Variants in KLHL21 observed in about 807,000 individuals in gnomAD.
The protein encoded by KLHL21 is kelch like family member 21.
In KLHL21, 42 loss-of-function variants were observed where a neutral mutation model predicts 44.1. The ratio of observed to expected loss-of-function variants is 0.95; its 90% CI spans 0.74 to 1.23. KLHL21 has a LOEUF of 1.23. Ranked by LOEUF, KLHL21 falls within the 50% of genes most tolerant of loss-of-function variation. KLHL21 has a pLI of 0.00. For missense variants in KLHL21, 918 were observed against 889.1 expected, an observed-to-expected ratio of 1.03 and a Z score of -0.41; for synonymous variants, 524 against 411.6, an observed-to-expected ratio of 1.27 and a Z score of -3.31.
intron 1 of KLHL21, 56 bp from the exon 2 acceptor site, chr1:6,599,508 G>A: frequency 6.6e-7 from 1 of 1,525,418 alleles, no homozygotes; most frequent in Non-Finnish European, 8.8e-7. Context: ...TCACCCACCT[G>A]CACCCTCCCG....
intron 3 of KLHL21, 73 bp downstream of exon 3, chr1:6,595,412 C>T (rs1360716318): frequency 7.4e-7 from 1 of 1,356,332 alleles, no homozygotes; most frequent in East Asian, 2.3e-5. Flanking sequence ...CCCAAACACT[C>T]ATCACGATGA....
At chr1:6,599,517 C>T (rs1367243354) in intron 1 of KLHL21, 65 bp from the exon 2 acceptor site, 7 of 1,493,614 alleles carry the variant, frequency 4.7e-6, no homozygotes, top group South Asian at 2.6e-5. Context: ...TGCACCCTCC[C>T]GAACTTCCGC....
At chr1:6,601,206 T>G (rs915792655) in intron 1 of KLHL21, among the ~76,000 whole-genome samples, 3 of 152,218 alleles carry the variant, frequency 2.0e-5, no homozygotes, top group African/African-American at 7.2e-5. Flanking sequence ...GGCAGTGTTT[T>G]GGGGTTTGGG....
rs979195196 is a variant in KLHL21 at position 6,599,384 on chromosome 1, C to T, written c.1090G>A (p.Glu364Lys). The change falls in exon 2 of 4, where the codon GAG becomes AAG. Residue 364 changes from glutamate (E) to lysine (K), a missense_variant. Physicochemically the swap from Glu to Lys is moderately conservative, Grantham distance 56 (BLOSUM62 1). Transcript: ENST00000377658. Reference protein sequence around the residue: ...RYNSSVNEWAEVAPMLKAREY... With the variant: ...RYNSSVNEWAKVAPMLKAREY... ...CGGGCCTTCAGCATGGGCGCCACCT[C>T]CGCCCACTCATTCACGCTTGAGTTG... The T allele has an allele frequency of 6.2e-7, 1 of 1,613,664 alleles. No individual in the cohort carries two copies. The highest frequency in any genetic ancestry group is 8.5e-7 in the Non-Finnish European group (1 of 1,179,978).
chr1:6,593,602 T>G lies in KLHL21; in HGVS notation c.1557A>C (p.Gly519=), dbSNP rs990520571. ...VLGGKLYVSG[G]YDNTFELSDV... is the part of the protein sequence containing the mutation. Reference sequence around the variant, plus strand: ...CCGAGAGTTCAAATGTATTGTCGTATCCCCCAGAGACGTACAGCTTCCCCC... The same window carrying G: ...CCGAGAGTTCAAATGTATTGTCGTAGCCCCCAGAGACGTACAGCTTCCCCC... The change falls in exon 4 of 4, where the codon GGA becomes GGC. Residue 519 remains glycine (G), a synonymous_variant. Transcript: ENST00000377658. 6.2e-7 allele frequency: 1 copy of G among 1,611,816 alleles called. No individual in the cohort carries two copies. The highest frequency in any genetic ancestry group is 8.5e-7 in the Non-Finnish European group (1 of 1,178,604).
In KLHL21 at chr1:6,602,345, T is replaced by G. The variant is rs998543339; in HGVS notation, c.473A>C (p.Gln158Pro). 7 of 1,560,732 alleles carry G rather than the reference T, an allele frequency of 4.5e-6. No homozygotes were observed. The highest frequency in any genetic ancestry group is 5.2e-6 in the Non-Finnish European group (6 of 1,158,682). ...FSCSGLASAA[Q>P]RFILRHVGEL... ...GCCCACGTGGCGCAGAATGAACCGC[T>G]GCGCCGCGCTCGCCAGTCCCGAGCA... is the stretch of plus-strand genomic sequence containing the variant. The change falls in exon 1 of 4, where the codon CAG becomes CCG. Residue 158 changes from glutamine (Q) to proline (P), a missense_variant. Gln to Pro is a moderately conservative substitution (Grantham distance 76). Coordinates refer to ENST00000377658, the MANE Select transcript of KLHL21 (RefSeq NM_014851.4).
intron 3 of KLHL21, chr1:6,595,022 C>T (rs1640905042): frequency 4.0e-6 from 1 of 247,300 alleles, no homozygotes; most frequent in South Asian, 8.1e-5. Flanking sequence ...TGTACCACTG[C>T]ACTCCAGCCT....
rs1275733774 is a variant in KLHL21, at chr1:6,599,117, A to C, written c.1357T>G (p.Cys453Gly). The C allele has an allele frequency of 6.2e-7, 1 of 1,613,398 alleles. No homozygotes were observed. The highest frequency in any genetic ancestry group is 1.3e-5 in the African/African-American group (1 of 74,936). ...AAGGACCAGGGCGGGAGCTGGCCGC[A>C]GTCCACCAGCGACCACAGGTCGGTG... ...PDTDLWSLVD[C>G]GQLPPWSFAP... is the part of the protein sequence containing the mutation. The change falls in exon 2 of 4, where the codon TGC becomes GGC. Residue 453 changes from cysteine (C) to glycine (G), a missense_variant. Physicochemically the swap from Cys to Gly is radical, Grantham distance 159. Transcript: ENST00000377658.
At chr1:6,597,875 G>C (rs1285416456) in intron 2 of KLHL21, among the ~76,000 whole-genome samples, 1 of 152,264 alleles carries the variant, frequency 6.6e-6, no homozygotes, top group Admixed American at 6.5e-5. Flanking sequence ...TGAACAAGCA[G>C]CGGAGTACAG....
rs1470940667 is a variant in KLHL21 at position 6,599,464 on chromosome 1, C to G, written c.1022-12G>C. On this transcript the variant is annotated splice_polypyrimidine_tract_variant and intron_variant, in intron 1 of 3. Coordinates refer to ENST00000377658, the MANE Select transcript of KLHL21 (RefSeq NM_014851.4). ...GCCATCGGACCCACCTGCCAGGACG[C>G]ATGACAGGCAGAAGATCAGCCCACT... 1 of 1,588,696 alleles carries G rather than the reference C, an allele frequency of 6.3e-7. No individual in the cohort carries two copies. The highest frequency in any genetic ancestry group is 1.1e-5 in the South Asian group (1 of 88,692).
chr1:6,594,517 A>G (rs1232586155), intron 3 of KLHL21: 2 of 152,264 alleles, frequency 1.3e-5, no homozygotes, highest in African/African-American at 4.8e-5. Context: ...CCTGGCTAAC[A>G]CAGTGAAATC....
In KLHL21 at chr1:6,601,885, C is replaced by T. The variant is rs1364041243; in HGVS notation, c.933G>A (p.Thr311=). The change falls in exon 1 of 4, where the codon ACG becomes ACA. Residue 311 remains threonine (T), a synonymous_variant. Coordinates refer to ENST00000377658, the MANE Select transcript of KLHL21 (RefSeq NM_014851.4). ...LVTVDCYNPQ[T]GQWRYLAEFP... is the part of the protein sequence containing the mutation. ...ACTCGGCCAGGTAGCGCCACTGACC[C>T]GTCTGCGGGTTGTAGCAGTCGACAG... 8 of 1,570,542 alleles carry T rather than the reference C, an allele frequency of 5.1e-6. No homozygotes were observed. The highest frequency in any genetic ancestry group is 3.7e-5 in the Admixed American group (2 of 53,868).
Position 6,602,481 on chromosome 1 carries a change from C to T in KLHL21, c.337G>A (p.Ala113Thr). The T allele has an allele frequency of 1.3e-6, 2 of 1,559,218 alleles. No homozygotes were observed. The highest frequency in any genetic ancestry group is 1.7e-6 in the Non-Finnish European group (2 of 1,158,924). ...GDNAEPLLRA[A>T]DLLQFPAVKE... ...ACGGCCGGGAACTGCAGCAGGTCGG[C>T]GGCGCGCAGCAGCGGCTCAGCGTTG... The change falls in exon 1 of 4, where the codon GCC becomes ACC. Residue 113 changes from alanine to threonine, a missense_variant. Transcript: ENST00000377658.
Position 6,591,913 on chromosome 1 carries a change from G to C in KLHL21, c.*1452C>G, listed in dbSNP as rs920733115. On this transcript the variant is annotated 3_prime_UTR_variant, in exon 4 of 4. Coordinates refer to ENST00000377658, the MANE Select transcript of KLHL21 (RefSeq NM_014851.4). ...TGGGCCCCCATCCTCGGCCTTCCCA[G>C]CACAGCAGGTGCTGGAAGATGACCA... The C allele has an allele frequency of 3.3e-5, 5 of 152,378 alleles. No homozygotes were observed. Among genetic ancestry groups the C allele is most frequent in the Admixed American group, 3.3e-4 (5 of 15,292 alleles). The allele number at this position is 152,378 out of a possible 1,614,324, so 9.4% of individuals were successfully genotyped here.
chr1:6,593,636 G>T lies in KLHL21; in HGVS notation c.1523C>A (p.Ala508Asp). The T allele has an allele frequency of 6.3e-7, 1 of 1,586,512 alleles. No individual in the cohort carries two copies. The highest frequency in any genetic ancestry group is 8.6e-7 in the Non-Finnish European group (1 of 1,163,178). The change falls in exon 4 of 4, where the codon GCC (alanine) becomes GAC (aspartate). Residue 508 changes from alanine to aspartate, a missense_variant. Coordinates refer to ENST00000377658, the MANE Select transcript of KLHL21 (RefSeq NM_014851.4). ...MNQVHVGGSL[A>D]VLGGKLYVSG... ...GACGTACAGCTTCCCCCCAAGGACG[G>T]CCAGGCTGCCCCCCACATGTACCTG...
In KLHL21 at chr1:6,599,077, G is replaced by A. The variant is rs1228105281; in HGVS notation, c.1397C>T (p.Ala466Val). The change falls in exon 2 of 4, where the codon GCG (alanine) becomes GTG (valine). Residue 466 changes from alanine (A) to valine (V), a missense_variant. Physicochemically the swap from Ala to Val is moderately conservative, Grantham distance 64. Transcript: ENST00000377658. ...AAAGTACATGAGTCCGTTTAGAGTC[G>A]CAGTCTTGGGGGCGAAGGACCAGGG... ...LPPWSFAPKT[A>V]TLNGLMYFVR... 4.4e-6 allele frequency: 7 copies of A among 1,603,462 alleles called. No homozygotes were observed. The highest frequency in any genetic ancestry group is 1.1e-5 in the South Asian group (1 of 89,642).
Position 6,599,131 on chromosome 1 carries a change from C to G in KLHL21, c.1343G>C (p.Trp448Ser). The G allele has an allele frequency of 6.2e-7, 1 of 1,613,842 alleles. No homozygotes were observed. Among genetic ancestry groups the G allele is most frequent in the African/African-American group, 1.3e-5 (1 of 75,042 alleles). The change falls in exon 2 of 4, where the codon TGG (tryptophan) becomes TCG (serine). Residue 448 changes from tryptophan (W) to serine (S), a missense_variant. By Grantham distance (177) the Trp-to-Ser change is radical (BLOSUM62 -3). Coordinates refer to ENST00000377658, the MANE Select transcript of KLHL21 (RefSeq NM_014851.4). The stretch of plus-strand genomic sequence containing the variant: ...GAGCTGGCCGCAGTCCACCAGCGAC[C>G]ACAGGTCGGTGTCCGGGTCGTAGCA... ...MQCYDPDTDL[W>S]SLVDCGQLPP...
At position 6,591,026 on chromosome 1, in the gene KLHL21, C is replaced by G; in HGVS notation, c.*2339G>C. On this transcript the variant is annotated 3_prime_UTR_variant, in exon 4 of 4. Coordinates refer to ENST00000377658, the MANE Select transcript of KLHL21 (RefSeq NM_014851.4). ...CATGTAACATGTGGCCATGCCCAGGCATCCCAGCATCTATCCTGAAGTCAG... is the reference window on the plus strand; with the variant it reads ...CATGTAACATGTGGCCATGCCCAGGGATCCCAGCATCTATCCTGAAGTCAG... 1 of 398,692 alleles carries G rather than the reference C, an allele frequency of 2.5e-6. No homozygotes were observed. The highest frequency in any genetic ancestry group is 4.4e-6 in the Non-Finnish European group (1 of 226,080). 24.7% of individuals were successfully genotyped at this position (398,692 alleles called of 1,614,324 possible).
At chr1:6,595,335 G>A in intron 3 of KLHL21, 150 bp downstream of exon 3, 1 of 737,196 alleles carries the variant, frequency 1.4e-6, no homozygotes, top group Non-Finnish European at 2.5e-6. Flanking sequence ...TGAGCCTTAA[G>A]TGCAAAATAA....
Sources: gnomAD v4.1 joint callset for allele counts (sites outside exome capture counted in the v4.1 genomes callset) on GRCh38, gnomAD v4.1.1 for gene constraint, MANE v1.5 for transcripts, NCBI Gene and HGNC (gene_info 2026-07-23, HGNC 2026-07-21) for gene names.